Variants in ZNF423 observed in about 807,000 individuals in gnomAD.
The protein encoded by ZNF423 is zinc finger protein 423, also known as Ebf-associated zinc finger protein.
In ZNF423, 12 loss-of-function variants were observed where a neutral mutation model predicts 95.8. The observed-to-expected ratio is 0.13, with a 90% CI of 0.08 to 0.20. ZNF423 has a LOEUF of 0.20. ZNF423 is among the 10% of genes least tolerant of loss of function. The pLI, the probability that ZNF423 is intolerant of heterozygous loss-of-function variation, is 1.00. For synonymous variants in ZNF423, 749 were observed against 711.9 expected, an observed-to-expected ratio of 1.05 and a Z score of -0.83; for missense variants, 1,316 against 1,737.1, an observed-to-expected ratio of 0.76 and a Z score of 4.31.
chr16:49,545,150 G>A (rs1035573732), intron 5 of ZNF423, among the ~76,000 whole-genome samples: 4 of 152,198 alleles, frequency 2.6e-5, no homozygotes, highest in African/African-American at 9.7e-5. Context: ...TGGCCTCTAC[G>A]GAACACTTTA....
At chr16:49,524,149 C>G (rs984266770) in intron 6 of ZNF423, among the ~76,000 whole-genome samples, 76 of 152,156 alleles carry the variant, frequency 5.0e-4, no homozygotes, top group Admixed American at 7.9e-4. Flanking sequence ...GCTTCTTGAA[C>G]CCCTCCCAGG....
rs554780343 is a variant in ZNF423, at chr16:49,711,390, C to T, written c.301+19381G>A. The T allele has an allele frequency of 3.3e-5, 5 of 152,174 alleles. No individual in the cohort carries two copies. In the East Asian group the frequency reaches 9.7e-4, roughly 29 times the overall value. The allele number at this position is 152,174 out of a possible 1,614,324, so 9.4% of individuals were successfully genotyped here. ...CTAATAAGAAGTAGGGAGATGTACC[C>T]GCTGAGGTGAGAAGCTCTCTGAGGT... is the stretch of plus-strand genomic sequence containing the variant. On this transcript the variant is annotated intron_variant, in intron 3 of 7. Transcript: ENST00000563137.
At chr16:49,555,150 C>T (rs1323509980) in intron 5 of ZNF423, among the ~76,000 whole-genome samples, 4 of 152,034 alleles carry the variant, frequency 2.6e-5, no homozygotes, top group South Asian at 2.1e-4. Context: ...AGGATTTTTC[C>T]CCCTAAAACA....
At position 49,635,981 on chromosome 16, in the gene ZNF423, G is replaced by C. The variant is rs1972682768; in HGVS notation, c.3195C>G (p.Gly1065=). The C allele has an allele frequency of 1.9e-6, 3 of 1,600,464 alleles. No homozygotes were observed. Among genetic ancestry groups the C allele is most frequent in the Non-Finnish European group, 2.6e-6 (3 of 1,171,820 alleles). The stretch of plus-strand genomic sequence containing the variant: ...ACTTGTAGAGCTTCTGCAGCCCCTG[G>C]CCATTGGGGGAGGACGCCGCTGAGC... The part of the protein sequence containing the change: ...AGSSAASSPN[G]QGLQKLYKCA... The change falls in exon 4 of 8, where the codon GGC becomes GGG. Residue 1065 remains glycine, a synonymous_variant. Transcript: ENST00000563137. The surrounding 1 kb of genome is among the most constrained non-coding windows in gnomAD (Gnocchi z 4.8).
At chr16:49,858,779 A>T (rs1415398916), upstream of ZNF423, among the ~76,000 whole-genome samples, 2 of 148,478 alleles carry the variant, frequency 1.3e-5, no homozygotes, top group Non-Finnish European at 1.5e-5. The surrounding 1 kb of genome is among the most constrained non-coding windows in gnomAD (Gnocchi z 4.3). Flanking sequence ...CGGGGGTGCC[A>T]AGGGCCGAGG....
At chr16:49,813,142 C>T (rs961295083) in intron 1 of ZNF423, among the ~76,000 whole-genome samples, 1 of 152,094 alleles carries the variant, frequency 6.6e-6, no homozygotes, top group African/African-American at 2.4e-5. Context: ...TCTCAACTCC[C>T]ATTTCCCTGT....
intron 2 of ZNF423, among the ~76,000 whole-genome samples, chr16:49,752,640 GA>G (rs1278130771): frequency 6.6e-6 from 1 of 152,218 alleles, no homozygotes; most frequent in Non-Finnish European, 1.5e-5. Flanking sequence ...ATCAGGAGGA[GA>G]AAAAACCTGC....
chr16:49,548,072 G>T (rs1969503312), intron 5 of ZNF423, among the ~76,000 whole-genome samples: 1 of 152,162 alleles, frequency 6.6e-6, no homozygotes, highest in East Asian at 1.9e-4. Context: ...GAGAGGAGGG[G>T]TGATCTCATG....
At chr16:49,680,172 T>C (rs953746038) in intron 3 of ZNF423, among the ~76,000 whole-genome samples, 4 of 152,044 alleles carry the variant, frequency 2.6e-5, no homozygotes, top group African/African-American at 9.7e-5. Flanking sequence ...TGCAGTCTCC[T>C]CTCCACTGAG....
intron 1 of ZNF423, among the ~76,000 whole-genome samples, chr16:49,806,442 A>G (rs2034665038): frequency 1.3e-5 from 2 of 152,226 alleles, no homozygotes; most frequent in Non-Finnish European, 2.9e-5. Flanking sequence ...CCTTCTTTCC[A>G]CTTTCATTTG....
intron 7 of ZNF423, among the ~76,000 whole-genome samples, chr16:49,513,314 G>C (rs934214703): frequency 7.9e-5 from 12 of 152,350 alleles, no homozygotes; most frequent in Middle Eastern, 3.4e-3. Flanking sequence ...AGGTTGACAA[G>C]GATGGGGCCA....
chr16:49,679,001 G>A (rs1442299320), intron 3 of ZNF423, among the ~76,000 whole-genome samples: 2 of 152,206 alleles, frequency 1.3e-5, no homozygotes, highest in African/African-American at 4.8e-5. Context: ...TGGTACACAG[G>A]TCAGGAGCCC....
chr16:49,736,144 A>G (rs2033281461), intron 2 of ZNF423, among the ~76,000 whole-genome samples: 1 of 152,204 alleles, frequency 6.6e-6, no homozygotes, highest in Non-Finnish European at 1.5e-5. Flanking sequence ...ATTGGTTTCA[A>G]AAAAGCAGGC....
intron 3 of ZNF423, among the ~76,000 whole-genome samples, chr16:49,710,767 C>T (rs1381906542): frequency 6.6e-6 from 1 of 152,202 alleles, no homozygotes. Flanking sequence ...GAGGTGACAA[C>T]ACGTGGCAAT....
At chr16:49,775,585 A>G (rs373041598) in intron 2 of ZNF423, among the ~76,000 whole-genome samples, 7 of 152,266 alleles carry the variant, frequency 4.6e-5, no homozygotes, top group African/African-American at 1.2e-4. Context: ...GGGCTTTGTT[A>G]TTCCCATTCT....
At chr16:49,763,415 C>T (rs2143655205) in intron 2 of ZNF423, among the ~76,000 whole-genome samples, 1 of 152,228 alleles carries the variant, frequency 6.6e-6, no homozygotes, top group Non-Finnish European at 1.5e-5. Context: ...ACTGGGACTA[C>T]AGGTACATGC....
intron 3 of ZNF423, among the ~76,000 whole-genome samples, chr16:49,702,976 G>C (rs2032239113): frequency 6.6e-6 from 1 of 151,752 alleles, no homozygotes; most frequent in Non-Finnish European, 1.5e-5. Context: ...AGCACCATAT[G>C]CTCATGTTCA....
chr16:49,553,197 C>T (rs1969703324), intron 5 of ZNF423, among the ~76,000 whole-genome samples: 1 of 152,022 alleles, frequency 6.6e-6, no homozygotes, highest in South Asian at 2.1e-4. Context: ...TAAGTCTTAC[C>T]CTACACAGGG....
At chr16:49,519,216 T>G (rs1388507284) in intron 7 of ZNF423, among the ~76,000 whole-genome samples, 1 of 152,260 alleles carries the variant, frequency 6.6e-6, no homozygotes, top group Admixed American at 6.5e-5. Context: ...GCCTCCGGTT[T>G]GGGGCCATGA....
Sources: allele counts gnomAD v4.1 joint callset (sites outside exome capture counted in the v4.1 genomes callset), GRCh38; gene constraint gnomAD v4.1.1; non-coding constraint Gnocchi (gnomAD v3.1); transcripts MANE v1.5; gene names NCBI Gene and HGNC (gene_info 2026-07-23, HGNC 2026-07-21).